PRELID2: variants seen among roughly 807,000 people sequenced by gnomAD.
The protein encoded by PRELID2 is PRELI domain containing 2, also known as PRELI domain-containing protein 2.
In PRELID2, 25 loss-of-function variants were observed where a neutral mutation model predicts 28.4. The observed-to-expected ratio is 0.88, with a 90% CI of 0.64 to 1.23. The LOEUF (loss-of-function observed/expected upper bound fraction) is 1.23. PRELID2 is among the 50% of genes most tolerant of loss of function. The pLI is 0.00. For missense variants in PRELID2, 201 were observed against 214.4 expected, an observed-to-expected ratio of 0.94 and a Z score of 0.39; for synonymous variants, 76 against 71.6, an observed-to-expected ratio of 1.06 and a Z score of -0.31.
At chr5:145,603,929 G>A (rs1278429054) in intron 1 of PRELID2, among the ~76,000 whole-genome samples, 2 of 151,784 alleles carry the variant, frequency 1.3e-5, no homozygotes, top group Non-Finnish European at 2.9e-5. Flanking sequence ...TGATTAAATA[G>A]AATAGTCAAT....
chr5:145,444,790 T>G, the PRELID2 span, among the ~76,000 whole-genome samples: 1 of 152,212 alleles, frequency 6.6e-6, no homozygotes, highest in East Asian at 1.9e-4. Flanking sequence ...TCATATTAAG[T>G]GCCTATAATA....
the PRELID2 span, among the ~76,000 whole-genome samples, chr5:145,319,115 G>T: frequency 6.6e-6 from 1 of 152,076 alleles, no homozygotes; most frequent in East Asian, 1.9e-4. Flanking sequence ...TATGGTATAG[G>T]GGGGCGTTGT....
chr5:145,274,011 G>C, the PRELID2 span, among the ~76,000 whole-genome samples: 329 of 152,256 alleles, frequency 2.2e-3, no homozygotes, highest in African/African-American at 7.7e-3. Flanking sequence ...GATGAGGATG[G>C]AGAGGTAGGG....
At chr5:145,707,485 G>T (rs957228336) in intron 1 of PRELID2, among the ~76,000 whole-genome samples, 2 of 152,156 alleles carry the variant, frequency 1.3e-5, no homozygotes, top group Admixed American at 1.3e-4. Flanking sequence ...GTGTCCACCA[G>T]GAATGAGACT....
At chr5:145,441,141 C>T in the PRELID2 span, 7 of 152,168 alleles carry the variant, frequency 4.6e-5, no homozygotes, top group East Asian at 3.9e-4. Context: ...CTGAACATGA[C>T]GCCTAGTTGT....
chr5:145,724,639 A>ATATATG (rs1554086405), intron 1 of PRELID2, among the ~76,000 whole-genome samples: 7 of 109,238 alleles, frequency 6.4e-5, no homozygotes, highest in Non-Finnish European at 1.3e-4. Context: ...ATATATATAT[A>ATATATG]TATATATAAT....
At chr5:145,282,131 C>T in the PRELID2 span, among the ~76,000 whole-genome samples, 1 of 152,140 alleles carries the variant, frequency 6.6e-6, no homozygotes, top group African/African-American at 2.4e-5. Context: ...ATATTGTCTG[C>T]TTTAAGGTAA....
chr5:145,820,870 G>A (rs553560513), intron 2 of PRELID2, among the ~76,000 whole-genome samples: 1 of 152,282 alleles, frequency 6.6e-6, no homozygotes, highest in South Asian at 2.1e-4. Context: ...ATGAAAGGAA[G>A]GAAAGTACCA....
At chr5:145,723,238 A>C (rs572392939) in intron 1 of PRELID2, among the ~76,000 whole-genome samples, 1 of 152,330 alleles carries the variant, frequency 6.6e-6, no homozygotes, top group South Asian at 2.1e-4. Flanking sequence ...CATAAATATA[A>C]GAAATTCATG....
intron 1 of PRELID2, among the ~76,000 whole-genome samples, chr5:145,495,585 T>C (rs1472156420): frequency 6.6e-6 from 1 of 152,160 alleles, no homozygotes; most frequent in Non-Finnish European, 1.5e-5. Context: ...TTCATATTAG[T>C]CTCCTAGATT....
chr5:145,327,602 T>C, the PRELID2 span, among the ~76,000 whole-genome samples: 5 of 152,126 alleles, frequency 3.3e-5, no homozygotes, highest in Non-Finnish European at 7.3e-5. Context: ...CTATTTTCAA[T>C]TAAAGTAATT....
At chr5:145,618,928 C>G (rs995391254) in intron 1 of PRELID2, among the ~76,000 whole-genome samples, 7 of 152,020 alleles carry the variant, frequency 4.6e-5, no homozygotes, top group Non-Finnish European at 8.8e-5. Context: ...TTACGGCCAC[C>G]TCTGCTGAGT....
intron 5 of PRELID2, among the ~76,000 whole-genome samples, chr5:145,794,223 A>C (rs1752585950): frequency 6.6e-6 from 1 of 152,180 alleles, no homozygotes; most frequent in Admixed American, 6.5e-5. Flanking sequence ...AGAGCTGAAG[A>C]AGGAATACCA....
At chr5:145,356,765 T>C in the PRELID2 span, among the ~76,000 whole-genome samples, 1 of 152,214 alleles carries the variant, frequency 6.6e-6, no homozygotes, top group African/African-American at 2.4e-5. Flanking sequence ...TCAAGGTTAA[T>C]ATTGATATGT....
At chr5:145,532,407 C>T (rs183473196) in intron 1 of PRELID2, among the ~76,000 whole-genome samples, 26 of 152,100 alleles carry the variant, frequency 1.7e-4, no homozygotes, top group African/African-American at 5.1e-4. Flanking sequence ...TAAACATATA[C>T]GTTGTAGAAT....
chr5:145,392,089 C>T, the PRELID2 span, among the ~76,000 whole-genome samples: 16 of 152,284 alleles, frequency 1.1e-4, no homozygotes, highest in African/African-American at 3.8e-4. Flanking sequence ...AAAGTTGCTT[C>T]CACATTTTCA....
the PRELID2 span, among the ~76,000 whole-genome samples, chr5:145,273,901 G>A: frequency 6.6e-6 from 1 of 152,120 alleles, no homozygotes; most frequent in Non-Finnish European, 1.5e-5. Context: ...ATGGACAAAT[G>A]CACTGAGGTA....
the PRELID2 span, among the ~76,000 whole-genome samples, chr5:145,427,981 G>A: frequency 1.5e-3 from 224 of 151,898 alleles, 2 homozygotes; most frequent in African/African-American, 5.2e-3. Context: ...TTTTTGAGAC[G>A]GAGTTTTGCT....
intron 1 of PRELID2, among the ~76,000 whole-genome samples, chr5:145,627,051 G>T (rs1753856359): frequency 7.9e-6 from 1 of 127,334 alleles, no homozygotes; most frequent in Admixed American, 9.2e-5. Context: ...AATAAGCTGA[G>T]ATTCTGCCAC....
Sources: allele counts gnomAD v4.1 joint callset (sites outside exome capture counted in the v4.1 genomes callset), GRCh38; gene constraint gnomAD v4.1.1; transcripts MANE v1.5; gene names NCBI Gene and HGNC (gene_info 2026-07-23, HGNC 2026-07-21).